Variants in IMMP2L observed in about 807,000 individuals in gnomAD.
IMMP2L encodes the protein mitochondrial inner membrane protease subunit 2.
IMMP2L carries 18 observed loss-of-function variants against 19.3 expected under a neutral mutation model. The ratio of observed to expected loss-of-function variants is 0.93; its 90% CI spans 0.64 to 1.38. The LOEUF is 1.38. Ranked by LOEUF, IMMP2L falls within the 40% of genes most tolerant of loss-of-function variation. IMMP2L has a pLI of 0.00. For missense variants in IMMP2L, 233 were observed against 218.2 expected (o/e 1.07, Z -0.43); for synonymous variants, 76 against 73.0 (o/e 1.04, Z -0.21).
At chr7:111,452,311 G>A (rs1839280083) in intron 3 of IMMP2L, among the ~76,000 whole-genome samples, 1 of 152,078 alleles carries the variant, frequency 6.6e-6, no homozygotes, top group African/African-American at 2.4e-5. Flanking sequence ...GATATATAGA[G>A]TTTTGCCAAA....
intron 3 of IMMP2L, among the ~76,000 whole-genome samples, chr7:111,357,909 G>A (rs1828875152): frequency 6.6e-6 from 1 of 151,682 alleles, no homozygotes; most frequent in Non-Finnish European, 1.5e-5. Context: ...TGGAATTACT[G>A]CTATAATGCC....
At chr7:110,759,992 C>T (rs1013022537) in intron 5 of IMMP2L, among the ~76,000 whole-genome samples, 1 of 152,114 alleles carries the variant, frequency 6.6e-6, no homozygotes, top group Non-Finnish European at 1.5e-5. Context: ...TGCTCCAGCA[C>T]TTTCTGAGGA....
At chr7:110,721,813 T>C (rs1795592831) in intron 5 of IMMP2L, among the ~76,000 whole-genome samples, 1 of 152,066 alleles carries the variant, frequency 6.6e-6, no homozygotes, top group African/African-American at 2.4e-5. Context: ...GTAGGGGGAC[T>C]GGATAAAGAT....
intron 3 of IMMP2L, among the ~76,000 whole-genome samples, chr7:111,373,101 T>A (rs1233530163): frequency 6.7e-6 from 1 of 150,240 alleles, no homozygotes; most frequent in Non-Finnish European, 1.5e-5. Flanking sequence ...CAAAACACTT[T>A]AAAGTAGCAT....
At chr7:111,302,693 T>G (rs183347960) in intron 3 of IMMP2L, among the ~76,000 whole-genome samples, 1 of 152,242 alleles carries the variant, frequency 6.6e-6, no homozygotes, top group Admixed American at 6.5e-5. Flanking sequence ...AATAAAGAAT[T>G]TGTTTTTCTC....
chr7:110,981,878 AAG>A (rs1821343012), intron 3 of IMMP2L, among the ~76,000 whole-genome samples: 1 of 152,108 alleles, frequency 6.6e-6, no homozygotes, highest in Non-Finnish European at 1.5e-5. Context: ...TCTCATTTCG[AAG>A]AGTCAAGACA....
Position 110,843,691 on chromosome 7 carries a change from G to GA in IMMP2L, c.408+42901dup, listed in dbSNP as rs1233130854. ...AAATTACACATTGTAATAAACACCA[G>GA]AAAAAATATAAAGCCATCAATGTGA... On this transcript the variant is annotated intron_variant, in intron 5 of 5. Transcript: ENST00000405709. Among the ~76,000 whole-genome samples, 7 of 152,178 alleles carry GA rather than the reference G, an allele frequency of 4.6e-5. 1 individual carries two copies. Among genetic ancestry groups the GA allele is most frequent in the Non-Finnish European group, 1.0e-4 (7 of 68,008 alleles).
chr7:111,317,700 G>A (rs1228307680), intron 3 of IMMP2L, among the ~76,000 whole-genome samples: 4 of 152,092 alleles, frequency 2.6e-5, no homozygotes, highest in African/African-American at 9.7e-5. Context: ...CAATCTGTCA[G>A]TTTGATTTCA....
At chr7:111,401,116 G>C (rs995818719) in intron 3 of IMMP2L, among the ~76,000 whole-genome samples, 5 of 152,118 alleles carry the variant, frequency 3.3e-5, no homozygotes, top group African/African-American at 1.2e-4. Flanking sequence ...CATGTGGTGA[G>C]ATTGTTTATC....
Position 111,507,327 on chromosome 7 carries a change from A to G in IMMP2L, c.135+13986T>C, listed in dbSNP as rs145964860. ...TATAAGTTCATTTCTCTCTTCCCAT[A>G]TCTTATATAAAGCTATACGAAGCCA... On this transcript the variant is annotated intron_variant, in intron 2 of 5. Coordinates refer to ENST00000405709, the MANE Select transcript of IMMP2L (RefSeq NM_032549.4). 3.5e-4 allele frequency among the ~76,000 whole-genome samples: 54 copies of G among 152,244 alleles called. 1 individual carries two copies. Among genetic ancestry groups the G allele is most frequent in the African/African-American group, 1.2e-3 (50 of 41,532 alleles).
chr7:110,793,692 T>G (rs1800635618), intron 5 of IMMP2L, among the ~76,000 whole-genome samples: 1 of 152,080 alleles, frequency 6.6e-6, no homozygotes, highest in African/African-American at 2.4e-5. Flanking sequence ...AATAATCCAG[T>G]GCTGTATACT....
chr7:111,178,731 A>G (rs1807363017), intron 3 of IMMP2L, among the ~76,000 whole-genome samples: 1 of 152,096 alleles, frequency 6.6e-6, no homozygotes, highest in Non-Finnish European at 1.5e-5. Context: ...GTTAAGTTTT[A>G]TCATGAGATT....
intron 5 of IMMP2L, among the ~76,000 whole-genome samples, chr7:110,823,592 A>T (rs1458021148): frequency 6.6e-6 from 1 of 152,116 alleles, no homozygotes; most frequent in Admixed American, 6.6e-5. Context: ...GGAACTGGCA[A>T]TGGTGAAATT....
chr7:110,965,895 C>G (rs924609917), intron 3 of IMMP2L, among the ~76,000 whole-genome samples: 1 of 151,922 alleles, frequency 6.6e-6, no homozygotes, highest in African/African-American at 2.4e-5. Context: ...AACACAATAT[C>G]AAGATTTTAT....
chr7:111,091,189 T>C (rs1006673021), intron 3 of IMMP2L: 1 of 151,928 alleles, frequency 6.6e-6, no homozygotes, highest in Non-Finnish European at 1.5e-5. Flanking sequence ...CAAGGAAAAA[T>C]AAAGCCAGCT....
intron 3 of IMMP2L, among the ~76,000 whole-genome samples, chr7:111,100,144 TC>T (rs759824841): frequency 1.5e-4 from 23 of 151,660 alleles, no homozygotes; most frequent in Non-Finnish European, 2.4e-4. Flanking sequence ...TTTTTAAATT[TC>T]AATAGCTTTT....
intron 5 of IMMP2L, among the ~76,000 whole-genome samples, chr7:110,783,667 A>G (rs1036740858): frequency 1.3e-5 from 2 of 151,928 alleles, no homozygotes; most frequent in African/African-American, 2.4e-5. Context: ...GAAAAATTCA[A>G]TATCAAACAA....
chr7:111,036,700 T>C (rs1243868608), intron 3 of IMMP2L, among the ~76,000 whole-genome samples: 1 of 152,166 alleles, frequency 6.6e-6, no homozygotes, highest in Admixed American at 6.5e-5. Context: ...AAAATACTAT[T>C]ACTTGATTAA....
intron 3 of IMMP2L, among the ~76,000 whole-genome samples, chr7:111,065,919 C>T (rs1416662883): frequency 2.0e-5 from 3 of 149,346 alleles, no homozygotes; most frequent in South Asian, 2.2e-4. Context: ...TGTGTGCGCG[C>T]GCGTGTATGC....
Sources: gnomAD v4.1 joint callset for allele counts (sites outside exome capture counted in the v4.1 genomes callset) on GRCh38, gnomAD v4.1.1 for gene constraint, MANE v1.5 for transcripts, NCBI Gene and HGNC (gene_info 2026-07-23, HGNC 2026-07-21) for gene names.